Variants in KLHL12 observed in about 807,000 individuals in gnomAD.
KLHL12 encodes the protein kelch-like protein 12.
In KLHL12, 17 loss-of-function variants were observed where a neutral mutation model predicts 60.8. The ratio of observed to expected loss-of-function variants is 0.28; its 90% CI spans 0.19 to 0.42. The LOEUF (loss-of-function observed/expected upper bound fraction) is 0.42, where lower values mean the gene tolerates loss of function less well. Among genes scored for constraint, KLHL12 ranks in the 10% least tolerant of loss-of-function variants. The pLI is 1.00. For synonymous variants in KLHL12, 220 were observed against 250.9 expected, an observed-to-expected ratio of 0.88 and a Z score of 1.16; for missense variants, 468 against 722.3, an observed-to-expected ratio of 0.65 and a Z score of 4.04.
upstream of KLHL12, among the ~76,000 whole-genome samples, chr1:202,927,554 G>A (rs1315626653): frequency 9.4e-6 from 1 of 106,880 alleles, no homozygotes; most frequent in Non-Finnish European, 2.0e-5. Flanking sequence ...AGCCCGCACC[G>A]CGCCTGTAGT....
In KLHL12 at chr1:202,927,114, C is replaced by T; in HGVS notation, c.-71G>A. ...CTCCGCTCCCGAACCCACACAGCCG[C>T]ACCGGGCCCGTCCCCAGCCTGTGGG... On this transcript the variant is annotated 5_prime_UTR_variant, in exon 1 of 12. Coordinates refer to ENST00000367261, the MANE Select transcript of KLHL12 (RefSeq NM_021633.4). 1.0e-6 allele frequency: 1 copy of T among 985,552 alleles called. No individual in the cohort carries two copies. The highest frequency in any genetic ancestry group is 1.2e-6 in the Non-Finnish European group (1 of 830,056). The allele number at this position is 985,552 out of a possible 1,614,324, so 61.1% of individuals were successfully genotyped here. A position where few individuals can be genotyped will look rare whatever the true frequency, so the allele number is the denominator to read the frequency against.
In KLHL12 at chr1:202,892,305, C is replaced by T; in HGVS notation, c.*228G>A. 5.9e-6 allele frequency: 3 copies of T among 506,054 alleles called. No individual in the cohort carries two copies. Among genetic ancestry groups the T allele is most frequent in the South Asian group, 5.1e-5 (2 of 38,982 alleles). 31.3% of individuals were successfully genotyped at this position (506,054 alleles called of 1,614,324 possible). ...GAGAGGCAATGTGGTCTCTCACATC[C>T]ATTCAATGTGCATTCTTTTTCCTGG... On this transcript the variant is annotated 3_prime_UTR_variant, in exon 12 of 12. Transcript: ENST00000367261.
intron 2 of KLHL12, among the ~76,000 whole-genome samples, chr1:202,923,603 G>C (rs936447549): frequency 6.6e-6 from 1 of 152,206 alleles, no homozygotes; most frequent in Non-Finnish European, 1.5e-5. Context: ...TTGGGCTTTA[G>C]AGTTGGAAAA....
chr1:202,913,303 G>A (rs969905762), intron 4 of KLHL12, among the ~76,000 whole-genome samples: 12 of 152,228 alleles, frequency 7.9e-5, no homozygotes, highest in African/African-American at 2.9e-4. Flanking sequence ...CTGAATAGAG[G>A]TCCTGTGCCC....
At position 202,893,385 on chromosome 1, in the gene KLHL12, C is replaced by G. The variant is rs201444078; in HGVS notation, c.1434G>C (p.Val478=). The G allele has an allele frequency of 3.7e-6, 6 of 1,613,940 alleles. No individual in the cohort carries two copies. Among genetic ancestry groups the G allele is most frequent in the South Asian group, 1.1e-5 (1 of 91,064 alleles). Residue 478 remains valine, a synonymous_variant, in exon 11 of 12, where the codon GTG becomes GTC. Transcript: ENST00000367261. This position sits in a 1 kb window ranked among gnomAD's most constrained non-coding sequence, Gnocchi z 4.1. ...VALLNDHIYV[V]GGFDGTAHLS... is the part of the protein sequence containing the mutation. ...GGTGGGCTGTACCATCAAATCCCCC[C>G]ACCACATAAATATGGTCATTCAGCA...
At chr1:202,906,388 G>A (rs925735652) in intron 6 of KLHL12, among the ~76,000 whole-genome samples, 16 of 141,876 alleles carry the variant, frequency 1.1e-4, no homozygotes, top group African/African-American at 4.2e-4. Context: ...CCAGGAGACA[G>A]AGGTTGCAGT....
At chr1:202,928,491 C>T (rs1291844923), upstream of KLHL12, 2 of 1,303,384 alleles carry the variant, frequency 1.5e-6, no homozygotes, top group African/African-American at 1.5e-5. Context: ...CTTCCAGGTA[C>T]TGAGGAACTT....
Position 202,925,090 on chromosome 1 carries a change from A to T in KLHL12, c.73T>A (p.Ser25Thr), listed in dbSNP as rs1193386617. ...CAGAGGGTATTGCTCTTCCTGAGGGAGTTCATTGAATTGAGGATGGATTTA... is the reference window on the plus strand; with the variant it reads ...CAGAGGGTATTGCTCTTCCTGAGGGTGTTCATTGAATTGAGGATGGATTTA... ...HAKSILNSMN[S>T]LRKSNTLCDV... The change falls in exon 2 of 12, where the codon TCC becomes ACC. Residue 25 changes from serine (S) to threonine (T), a missense_variant. Ser to Thr is a moderately conservative substitution (Grantham distance 58). Coordinates refer to ENST00000367261, the MANE Select transcript of KLHL12 (RefSeq NM_021633.4). 7 of 1,613,994 alleles carry T rather than the reference A, an allele frequency of 4.3e-6. No homozygotes were observed. The East Asian group carries it at 1.6e-4, about 36-fold the overall frequency.
At chr1:202,903,569 A>G (rs921964727) in intron 6 of KLHL12, among the ~76,000 whole-genome samples, 1 of 142,480 alleles carries the variant, frequency 7.0e-6, no homozygotes, top group Non-Finnish European at 1.5e-5. Flanking sequence ...GGGCTCAAGC[A>G]TCCTCCTAGC....
chr1:202,926,810 A>G (rs1425322914), intron 1 of KLHL12, among the ~76,000 whole-genome samples: 1 of 152,152 alleles, frequency 6.6e-6, no homozygotes, highest in African/African-American at 2.4e-5. Context: ...AACTCGGGAA[A>G]GACTAAATTC....
At chr1:202,927,674 TAAAAAAAA>T (rs748842460), upstream of KLHL12, among the ~76,000 whole-genome samples, 639 of 75,414 alleles carry the variant, frequency 8.5e-3, 9 homozygotes, top group African/African-American at 0.035. Context: ...TGAGACCCTG[TAAAAAAAA>T]AAAAAAAAAA....
In KLHL12 at chr1:202,909,045, C is replaced by G; in HGVS notation, c.797G>C (p.Ser266Thr). 2 of 1,614,002 alleles carry G rather than the reference C, an allele frequency of 1.2e-6. No homozygotes were observed. The highest frequency in any genetic ancestry group is 1.7e-6 in the Non-Finnish European group (2 of 1,179,926). The change falls in exon 6 of 12, where the codon AGT becomes ACT. Residue 266 changes from serine to threonine, a missense_variant. By Grantham distance (58) the Ser-to-Thr change is moderately conservative. Transcript: ENST00000367261. This position sits in a 1 kb window ranked among gnomAD's most constrained non-coding sequence, Gnocchi z 4.1. ...KKFHLRPELRSQMQGPRTRAR... is the reference protein window; with the variant it reads ...KKFHLRPELRTQMQGPRTRAR... ...CCTTGTCCTGGGTCCCTGCATCTGA[C>G]TCCGAAGTTCAGGCCTCAGATGAAA... is the stretch of plus-strand genomic sequence containing the variant.
At chr1:202,928,437 A>G (rs1191279703), upstream of KLHL12, 1 of 1,191,890 alleles carries the variant, frequency 8.4e-7, no homozygotes, top group Admixed American at 2.3e-5. Flanking sequence ...GAGAATTCCA[A>G]CGCTTAATAT....
intron 4 of KLHL12, among the ~76,000 whole-genome samples, chr1:202,917,841 G>C (rs1360991268): frequency 6.6e-6 from 1 of 152,174 alleles, no homozygotes; most frequent in East Asian, 1.9e-4. Flanking sequence ...GTGCTACATA[G>C]TAGATATTCT....
chr1:202,892,635 A>G lies in KLHL12; in HGVS notation c.1605T>C (p.Ser535=), dbSNP rs1229262868. ...TGATAGGGTCATAACATTCAATGCT[A>G]CTTAGCAGGGAATTACCATCATATC... ...IAGYDGNSLL[S]SIECYDPIID... Residue 535 remains serine, a synonymous_variant, in exon 12 of 12, where the codon AGT becomes AGC. Coordinates refer to ENST00000367261, the MANE Select transcript of KLHL12 (RefSeq NM_021633.4). 6.2e-7 allele frequency: 1 copy of G among 1,613,968 alleles called. No homozygotes were observed. The highest frequency in any genetic ancestry group is 1.3e-5 in the African/African-American group (1 of 74,932).
intron 5 of KLHL12, 119 bp downstream of exon 5, chr1:202,910,935 T>C: frequency 8.6e-7 from 1 of 1,158,346 alleles, no homozygotes; most frequent in Non-Finnish European, 1.2e-6. Context: ...CTCACTGGCA[T>C]TCCTAGAGAG....
chr1:202,916,209 T>G (rs1660515840), intron 4 of KLHL12, among the ~76,000 whole-genome samples: 1 of 152,234 alleles, frequency 6.6e-6, no homozygotes, highest in African/African-American at 2.4e-5. Context: ...CAACAGCAGC[T>G]TCTCTGGGCT....
At chr1:202,922,058 A>C (rs1660709876) in intron 2 of KLHL12, among the ~76,000 whole-genome samples, 1 of 152,264 alleles carries the variant, frequency 6.6e-6, no homozygotes, top group Non-Finnish European at 1.5e-5. Flanking sequence ...ATATGTAAGT[A>C]CATGTATTCC....
rs546271999 is a variant in KLHL12, at chr1:202,923,852, GAACT to G, written c.195+1112_195+1115del. ...CAGCAATATCTACACTAAGATGATA[GAACT>G]AACTAAAAAAAAAACAAAAAACAAA... is the stretch of plus-strand genomic sequence containing the variant. On this transcript the variant is annotated intron_variant, in intron 2 of 11. Coordinates refer to ENST00000367261, the MANE Select transcript of KLHL12 (RefSeq NM_021633.4). Among the ~76,000 whole-genome samples the G allele has an allele frequency of 5.5e-3, 614 of 111,036 alleles. 5 individuals carry two copies. The highest frequency in any genetic ancestry group is 0.019 in the African/African-American group (583 of 30,500). 72.8% of individuals were successfully genotyped at this position (111,036 alleles called of 152,430 possible). A position where few individuals can be genotyped will look rare whatever the true frequency, so the allele number is the denominator to read the frequency against.
Sources: allele counts gnomAD v4.1 joint callset (sites outside exome capture counted in the v4.1 genomes callset), GRCh38; gene constraint gnomAD v4.1.1; non-coding constraint Gnocchi (gnomAD v3.1); transcripts MANE v1.5; gene names NCBI Gene and HGNC (gene_info 2026-07-23, HGNC 2026-07-21).